Variants in MGAT4C observed in about 807,000 individuals in gnomAD.
MGAT4C encodes alpha-1,3-mannosyl-glycoprotein 4-beta-N-acetylglucosaminyltransferase C.
MGAT4C carries 19 observed loss-of-function variants against 40.1 expected under a neutral mutation model. That is an observed-to-expected ratio of 0.47 (90% CI 0.33 to 0.70). MGAT4C has a LOEUF of 0.70. MGAT4C is among the 30% of genes least tolerant of loss of function. MGAT4C has a pLI of 0.02. For missense variants in MGAT4C, 491 were observed against 563.2 expected (o/e 0.87, Z 1.30); for synonymous variants, 181 against 187.1 (o/e 0.97, Z 0.27).
chr12:86,503,387 GAGTTCTGCTCATATATA>G (rs1958400941), intron 2 of MGAT4C, among the ~76,000 whole-genome samples: 1 of 11,512 alleles, frequency 8.7e-5, no homozygotes, highest in Admixed American at 1.5e-3. Flanking sequence ...ATATATATAT[GAGTTCTGCTCATATATA>G]TATATATGAG....
At chr12:86,578,012 G>A (rs1435847639) in intron 2 of MGAT4C, among the ~76,000 whole-genome samples, 1 of 151,642 alleles carries the variant, frequency 6.6e-6, no homozygotes, top group African/African-American at 2.4e-5. Flanking sequence ...CCTTTTGAGG[G>A]CCAGCCAGGA....
chr12:86,378,821 A>G (rs753818253), intron 3 of MGAT4C, among the ~76,000 whole-genome samples: 14 of 152,138 alleles, frequency 9.2e-5, no homozygotes, highest in Non-Finnish European at 7.4e-5. Flanking sequence ...TTGCAAGGTA[A>G]CAGTCTTAAA....
At chr12:86,770,477 C>T (rs529965536) in intron 1 of MGAT4C, among the ~76,000 whole-genome samples, 6 of 151,962 alleles carry the variant, frequency 3.9e-5, no homozygotes, top group Non-Finnish European at 7.4e-5. Context: ...CCCATGATTT[C>T]TGCTTTATAT....
intron 2 of MGAT4C, among the ~76,000 whole-genome samples, chr12:86,475,707 C>A (rs550713295): frequency 6.6e-6 from 1 of 151,842 alleles, no homozygotes; most frequent in Non-Finnish European, 1.5e-5. Context: ...AATAGAAAAG[C>A]AGAAATTAAA....
At chr12:86,001,196 C>T (rs978919506) in intron 2 of MGAT4C, among the ~76,000 whole-genome samples, 4 of 152,132 alleles carry the variant, frequency 2.6e-5, no homozygotes, top group East Asian at 1.9e-4. Flanking sequence ...TCCTTTCAAG[C>T]CAGTTTAGCA....
intron 1 of MGAT4C, among the ~76,000 whole-genome samples, chr12:86,765,750 C>T (rs1365939964): frequency 2.0e-5 from 3 of 152,158 alleles, no homozygotes; most frequent in Non-Finnish European, 4.4e-5. Context: ...CCCAGAATTT[C>T]ATATCCAGCC....
intron 2 of MGAT4C, among the ~76,000 whole-genome samples, chr12:86,631,819 C>G (rs1963055286): frequency 1.3e-5 from 2 of 152,036 alleles, no homozygotes; most frequent in South Asian, 4.1e-4. Context: ...AAAACTTAGG[C>G]AATACCATTC....
intron 2 of MGAT4C, among the ~76,000 whole-genome samples, chr12:86,612,467 G>A (rs1373227364): frequency 6.6e-6 from 1 of 151,894 alleles, no homozygotes; most frequent in African/African-American, 2.4e-5. Flanking sequence ...AAGTAGATGT[G>A]GGCCAGGCGC....
chr12:86,374,114 T>C (rs1307577627), intron 3 of MGAT4C, among the ~76,000 whole-genome samples: 3 of 151,894 alleles, frequency 2.0e-5, no homozygotes, highest in Non-Finnish European at 4.4e-5. Context: ...CTGTGGAAAA[T>C]GGTAGAAAAG....
intron 2 of MGAT4C, among the ~76,000 whole-genome samples, chr12:86,716,461 G>T (rs1048788797): frequency 2.6e-5 from 4 of 151,776 alleles, no homozygotes; most frequent in African/African-American, 9.7e-5. Flanking sequence ...TTAGTATCTT[G>T]CCCTTGCAAA....
intron 2 of MGAT4C, among the ~76,000 whole-genome samples, chr12:86,637,723 T>C (rs1225395568): frequency 6.6e-6 from 1 of 151,850 alleles, no homozygotes; most frequent in African/African-American, 2.4e-5. Flanking sequence ...ATCTCATTTT[T>C]CCCATAAATC....
chr12:86,199,024 C>T (rs1216407011), intron 1 of MGAT4C, among the ~76,000 whole-genome samples: 7 of 152,098 alleles, frequency 4.6e-5, no homozygotes, highest in Admixed American at 2.0e-4. Context: ...GATTTAATAG[C>T]GTTACTCATA....
chr12:86,562,473 C>G (rs775326534), intron 2 of MGAT4C, among the ~76,000 whole-genome samples: 3 of 152,048 alleles, frequency 2.0e-5, no homozygotes, highest in Non-Finnish European at 4.4e-5. Flanking sequence ...CTCCTCACTC[C>G]TAGTAGTGGC....
At chr12:86,445,733 G>A (rs1453670254) in intron 2 of MGAT4C, among the ~76,000 whole-genome samples, 3 of 152,050 alleles carry the variant, frequency 2.0e-5, no homozygotes, top group Non-Finnish European at 2.9e-5. Flanking sequence ...TTTGCTATAC[G>A]TGACAACATG....
At chr12:86,684,203 C>CCCTG (rs1164453221) in intron 2 of MGAT4C, among the ~76,000 whole-genome samples, 1 of 152,088 alleles carries the variant, frequency 6.6e-6, no homozygotes, top group African/African-American at 2.4e-5. Context: ...CCTTAACAGG[C>CCCTG]CCTGATGTGT....
At chr12:86,449,106 C>T (rs893378405) in intron 2 of MGAT4C, among the ~76,000 whole-genome samples, 1 of 151,688 alleles carries the variant, frequency 6.6e-6, no homozygotes, top group African/African-American at 2.4e-5. Context: ...AACTTAATTT[C>T]TATCATTGGG....
chr12:86,785,048 T>C (rs889835482), intron 1 of MGAT4C, among the ~76,000 whole-genome samples: 1 of 152,018 alleles, frequency 6.6e-6, no homozygotes, highest in African/African-American at 2.4e-5. Flanking sequence ...AAAAAAATTC[T>C]TCTTTGTATT....
chr12:86,654,390 G>C (rs763308740), intron 2 of MGAT4C, among the ~76,000 whole-genome samples: 1 of 150,966 alleles, frequency 6.6e-6, no homozygotes, highest in African/African-American at 2.4e-5. Context: ...TTATCAAAGT[G>C]GTAGAAAAAT....
At chr12:86,724,993 G>T in intron 2 of MGAT4C, among the ~76,000 whole-genome samples, 1 of 152,124 alleles carries the variant, frequency 6.6e-6, no homozygotes, top group East Asian at 1.9e-4. Context: ...GAAACATCAT[G>T]TTTTACACAA....
Sources: allele counts gnomAD v4.1 joint callset (sites outside exome capture counted in the v4.1 genomes callset), GRCh38; gene constraint gnomAD v4.1.1; transcripts MANE v1.5; gene names NCBI Gene and HGNC (gene_info 2026-07-23, HGNC 2026-07-21).